Variants in CRNKL1 observed in about 807,000 individuals in gnomAD.
CRNKL1 encodes the protein crooked neck pre-mRNA splicing factor 1, also known as crooked neck-like protein 1.
In CRNKL1, 35 loss-of-function variants were observed where a neutral mutation model predicts 103.7. The observed-to-expected ratio is 0.34, with a 90% CI of 0.26 to 0.45. The LOEUF (loss-of-function observed/expected upper bound fraction) is 0.45, where lower values mean the gene tolerates loss of function less well. Ranked by LOEUF, CRNKL1 falls within the 20% of genes least tolerant of loss-of-function variation. The probability of loss-of-function intolerance (pLI) is 1.00; values close to 1 mark genes in which losing one functional copy is unlikely to be tolerated. For synonymous variants in CRNKL1, 267 were observed against 282.6 expected (o/e 0.94, Z 0.55); for missense variants, 645 against 836.0 (o/e 0.77, Z 2.82).
chr20:20,050,180 A>G (rs1408753043), intron 2 of CRNKL1, among the ~76,000 whole-genome samples: 1 of 152,250 alleles, frequency 6.6e-6, no homozygotes, highest in African/African-American at 2.4e-5. Context: ...CTTACTAAGC[A>G]TACCCTCCTT....
At chr20:20,040,644 T>C (rs778982434) in intron 10 of CRNKL1, 42 bp downstream of exon 10, 1 of 1,433,556 alleles carries the variant, frequency 7.0e-7, no homozygotes, top group South Asian at 1.2e-5. Context: ...AATTTCTTTC[T>C]CATAGAACTT....
chr20:20,052,493 T>G (rs2255258), upstream of CRNKL1: 5 of 1,614,058 alleles, frequency 3.1e-6, no homozygotes, highest in East Asian at 2.2e-5. Flanking sequence ...GACCTCTCGC[T>G]TGAGCCGTGA....
upstream of CRNKL1, among the ~76,000 whole-genome samples, chr20:20,054,414 TAC>T (rs371567134): frequency 2.0e-5 from 3 of 151,360 alleles, no homozygotes; most frequent in Non-Finnish European, 2.9e-5. Context: ...TATATATATA[TAC>T]ACACACACAT....
chr20:20,037,338 G>A lies in CRNKL1; in HGVS notation c.1881C>T (p.Val627=). 6.2e-7 allele frequency: 1 copy of A among 1,613,872 alleles called. No homozygotes were observed. ...GAGTTCTTACCCCATCATCAGTCTG[G>A]ACCTTTCTTCTCTTCTTGACTTTCT... ...MPEKVKKRRK[V]QTDDGSDAGW... Residue 627 remains valine, a synonymous_variant, in exon 13 of 14, where the codon GTC becomes GTT. Coordinates refer to ENST00000536226, the MANE Select transcript of CRNKL1 (RefSeq NM_001278628.2).
chr20:20,045,412 G>A lies in CRNKL1; in HGVS notation c.697C>T (p.His233Tyr), dbSNP rs2043578686. Residue 233 changes from histidine to tyrosine, a missense_variant, in exon 6 of 14, where the codon CAT (histidine) becomes TAT (tyrosine). Coordinates refer to ENST00000536226, the MANE Select transcript of CRNKL1 (RefSeq NM_001278628.2). The stretch of plus-strand genomic sequence containing the variant: ...GCTCTCTCATACACTTTCCGTGCAT[G>A]GGCAAAATAAGCATGTTTTTCTTCA... Reference protein sequence around the residue: ...RFEEKHAYFAHARKVYERAVE... With the variant: ...RFEEKHAYFAYARKVYERAVE... 1.2e-6 allele frequency: 2 copies of A among 1,613,442 alleles called. No homozygotes were observed. Among genetic ancestry groups the A allele is most frequent in the South Asian group, 1.1e-5 (1 of 91,028 alleles).
chr20:20,045,343 C>G lies in CRNKL1; in HGVS notation c.766G>C (p.Val256Leu). The G allele has an allele frequency of 6.2e-7, 1 of 1,612,648 alleles. No individual in the cohort carries two copies. The highest frequency in any genetic ancestry group is 8.5e-7 in the Non-Finnish European group (1 of 1,179,270). The change falls in exon 6 of 14, where the codon GTT becomes CTT. Residue 256 changes from valine (V) to leucine (L), a missense_variant. This residue lies in a region of CRNKL1 where 582 missense variants were observed against 707.7 expected (regional missense o/e 0.82). Coordinates refer to ENST00000536226, the MANE Select transcript of CRNKL1 (RefSeq NM_001278628.2). ...TTTTCTTCAAACTTGGCAAAGGCAA[C>G]ATAAAGGTGCTCATCCATATGTTCA... ...GDEHMDEHLY[V>L]AFAKFEENQK...
chr20:20,052,609 G>C (rs1228482084), upstream of CRNKL1: 1 of 1,613,768 alleles, frequency 6.2e-7, no homozygotes, highest in South Asian at 1.1e-5. Context: ...ACGCCGTGCT[G>C]ACTAGCAGCG....
rs1029666360 is a variant in CRNKL1, at chr20:20,034,432, T to C, written c.*1763A>G. Reference sequence around the variant, plus strand: ...TGAGGGTGGGAGAGAAATGAATCTTTATGTTCTCCTGTTAGAGAATAGCTT... The same window carrying C: ...TGAGGGTGGGAGAGAAATGAATCTTCATGTTCTCCTGTTAGAGAATAGCTT... On this transcript the variant is annotated 3_prime_UTR_variant, in exon 14 of 14. Coordinates refer to ENST00000536226, the MANE Select transcript of CRNKL1 (RefSeq NM_001278628.2). 6.6e-6 allele frequency: 1 copy of C among 152,182 alleles called. No individual in the cohort carries two copies. The highest frequency in any genetic ancestry group is 1.5e-5 in the Non-Finnish European group (1 of 68,048). 9.4% of individuals were successfully genotyped at this position (152,182 alleles called of 1,614,324 possible).
rs75955712 is a variant in CRNKL1, at chr20:20,041,578, A to C, written c.1212T>G (p.Ile404Met). 1 of 1,613,090 alleles carries C rather than the reference A, an allele frequency of 6.2e-7. No homozygotes were observed. Among genetic ancestry groups the C allele is most frequent in the Non-Finnish European group, 8.5e-7 (1 of 1,179,184 alleles). Residue 404 changes from isoleucine (I) to methionine (M), a missense_variant, in exon 9 of 14, where the codon ATT becomes ATG. By Grantham distance (10) the Ile-to-Met change is conservative (BLOSUM62 1). This residue lies in a region of CRNKL1 where 582 missense variants were observed against 707.7 expected (regional missense o/e 0.82). Transcript: ENST00000536226. ...RQVYQASLEL[I>M]PHKKFTFAKM... ...AGAGCAAACATACCTTTTTGTGAGGAATTAGTTCCAAAGAGGCTTGATACA... is the reference window on the plus strand; with the variant it reads ...AGAGCAAACATACCTTTTTGTGAGGCATTAGTTCCAAAGAGGCTTGATACA...
At chr20:20,041,996 ACTC>A (rs758066442) in intron 8 of CRNKL1, among the ~76,000 whole-genome samples, 10 of 152,190 alleles carry the variant, frequency 6.6e-5, no homozygotes, top group Admixed American at 1.3e-4. Context: ...AGCCAGAATT[ACTC>A]CTATTAATGA....
rs113479148 is a variant in CRNKL1 at position 20,037,716 on chromosome 20, AT to A, written c.1648-146del. The A allele has an allele frequency of 0.016, 11,396 of 705,552 alleles. 962 individuals carry two copies. In the African/African-American group the frequency reaches 0.18, roughly 11 times the overall value. The allele number at this position is 705,552 out of a possible 1,614,324, so 43.7% of individuals were successfully genotyped here. ...TTTCACAGATGAAAACAATGAATATATGCTTCAATATAAACACTGAAAATAT... is the reference window on the plus strand; with the variant it reads ...TTTCACAGATGAAAACAATGAATATAGCTTCAATATAAACACTGAAAATAT... On this transcript the variant is annotated intron_variant, in intron 12 of 13. Transcript: ENST00000536226.
intron 5 of CRNKL1, among the ~76,000 whole-genome samples, chr20:20,046,769 G>T (rs1352398381): frequency 6.6e-6 from 1 of 152,184 alleles, no homozygotes; most frequent in Non-Finnish European, 1.5e-5. Context: ...CTGTCTCCAA[G>T]CTCTAGGCAT....
intron 7 of CRNKL1, among the ~76,000 whole-genome samples, chr20:20,042,728 T>C (rs1600247261): frequency 6.6e-6 from 1 of 152,226 alleles, no homozygotes; most frequent in Non-Finnish European, 1.5e-5. Flanking sequence ...ACTGGCCAGG[T>C]GTCCCACAGC....
chr20:20,054,426 T>TACATAC (rs1425760719), upstream of CRNKL1, among the ~76,000 whole-genome samples: 258 of 138,256 alleles, frequency 1.9e-3, no homozygotes, highest in African/African-American at 6.6e-3. Flanking sequence ...CACACACACA[T>TACATAC]ACATACACAT....
Position 20,041,567 on chromosome 20 carries a change from T to C in CRNKL1, c.1223A>G (p.Lys408Arg), listed in dbSNP as rs1214678343. 7 of 1,611,568 alleles carry C rather than the reference T, an allele frequency of 4.3e-6. No individual in the cohort carries two copies. The Admixed American group carries it at 1.0e-4, about 23-fold the overall frequency. The change falls in exon 9 of 14, where the codon AAG becomes AGG. Residue 408 changes from lysine to arginine, a missense_variant and splice_region_variant. Coordinates refer to ENST00000536226, the MANE Select transcript of CRNKL1 (RefSeq NM_001278628.2). ...TGGAACACTTTAGAGCAAACATACCTTTTTGTGAGGAATTAGTTCCAAAGA... is the reference window on the plus strand; with the variant it reads ...TGGAACACTTTAGAGCAAACATACCCTTTTGTGAGGAATTAGTTCCAAAGA... ...QASLELIPHKKFTFAKMWILY... is the reference protein window; with the variant it reads ...QASLELIPHKRFTFAKMWILY...
chr20:20,040,856 G>A (rs1156363767), intron 9 of CRNKL1, 90 bp from the exon 10 acceptor site: 7 of 887,060 alleles, frequency 7.9e-6, no homozygotes, highest in Non-Finnish European at 1.2e-5. Context: ...CAAAGCCATT[G>A]GTAATTCGAT....
intron 1 of CRNKL1, among the ~76,000 whole-genome samples, chr20:20,051,170 T>A (rs1047829865): frequency 1.3e-5 from 2 of 152,222 alleles, no homozygotes; most frequent in African/African-American, 4.8e-5. Context: ...ACAGTAGCTA[T>A]GAGTCACATG....
intron 5 of CRNKL1, among the ~76,000 whole-genome samples, chr20:20,046,469 ACT>A (rs1291388687): frequency 2.0e-5 from 3 of 152,128 alleles, no homozygotes; most frequent in Non-Finnish European, 4.4e-5. Flanking sequence ...AATAAAGTTG[ACT>A]CTCATTATTT....
chr20:20,053,196 A>G (rs6136926), upstream of CRNKL1, among the ~76,000 whole-genome samples: 21,535 of 152,170 alleles, frequency 0.14, 1,673 homozygotes, highest in East Asian at 0.22. Context: ...ATAATACTTA[A>G]CCTGCCCTCA....
Sources: allele counts gnomAD v4.1 joint callset (sites outside exome capture counted in the v4.1 genomes callset), GRCh38; gene constraint gnomAD v4.1.1; regional missense constraint gnomAD v4.1.1; transcripts MANE v1.5; gene names NCBI Gene and HGNC (gene_info 2026-07-23, HGNC 2026-07-21).